ARHGAP26: variants seen among roughly 807,000 people sequenced by gnomAD.
ARHGAP26 encodes the protein rho GTPase-activating protein 26.
In ARHGAP26, 38 loss-of-function variants were observed where a neutral mutation model predicts 104.8. The ratio of observed to expected loss-of-function variants is 0.36; its 90% CI spans 0.28 to 0.48. The LOEUF (loss-of-function observed/expected upper bound fraction) is 0.48. ARHGAP26 is among the 20% of genes least tolerant of loss of function. The probability of loss-of-function intolerance (pLI) is 0.99; values close to 1 mark genes in which losing one functional copy is unlikely to be tolerated. For synonymous variants in ARHGAP26, 341 were observed against 340.0 expected, an observed-to-expected ratio of 1.00 and a Z score of -0.03; for missense variants, 704 against 947.9, an observed-to-expected ratio of 0.74 and a Z score of 3.38.
intron 7 of ARHGAP26, among the ~76,000 whole-genome samples, chr5:142,902,861 A>C (rs1191233105): frequency 2.6e-5 from 4 of 152,188 alleles, no homozygotes; most frequent in Non-Finnish European, 4.4e-5. Flanking sequence ...CAGTGGGCTT[A>C]CTGGAGGTGG....
At chr5:143,160,200 C>G (rs1248775967) in intron 20 of ARHGAP26, among the ~76,000 whole-genome samples, 1 of 151,842 alleles carries the variant, frequency 6.6e-6, no homozygotes, top group African/African-American at 2.4e-5. Flanking sequence ...GCTGGGACTA[C>G]AGGTGCCCGC....
chr5:143,087,072 G>T (rs1447990933), intron 17 of ARHGAP26, among the ~76,000 whole-genome samples: 1 of 152,144 alleles, frequency 6.6e-6, no homozygotes, highest in Non-Finnish European at 1.5e-5. Flanking sequence ...TGTGACTCAT[G>T]TGTGTTATCA....
chr5:143,071,280 A>G (rs577453540), intron 17 of ARHGAP26, among the ~76,000 whole-genome samples: 2 of 152,402 alleles, frequency 1.3e-5, no homozygotes, highest in South Asian at 2.1e-4. Context: ...AAGCAGGCCC[A>G]TAGACCAATG....
chr5:143,096,195 G>A (rs920570848), intron 17 of ARHGAP26, among the ~76,000 whole-genome samples: 6 of 152,114 alleles, frequency 3.9e-5, no homozygotes, highest in Admixed American at 6.5e-5. Context: ...AGTAAACTGC[G>A]TTATGCAGAT....
At chr5:143,039,013 G>T (rs1783068253) in intron 13 of ARHGAP26, among the ~76,000 whole-genome samples, 2 of 152,000 alleles carry the variant, frequency 1.3e-5, no homozygotes, top group Admixed American at 1.3e-4. Context: ...CGTGAAAAAT[G>T]CAAGTTACAA....
intron 14 of ARHGAP26, 138 bp from the exon 15 acceptor site, chr5:143,054,301 T>C (rs1460536158): frequency 1.8e-6 from 1 of 562,854 alleles, no homozygotes; most frequent in Non-Finnish European, 3.1e-6. Flanking sequence ...CCTAATTTAA[T>C]AGGTAAAAAA....
At chr5:142,886,817 A>G (rs1008852453) in intron 5 of ARHGAP26, among the ~76,000 whole-genome samples, 5 of 152,204 alleles carry the variant, frequency 3.3e-5, no homozygotes, top group Non-Finnish European at 7.3e-5. Context: ...AATCCATGAT[A>G]AATTTGGGAT....
chr5:142,812,853 T>C (rs1764370381), intron 1 of ARHGAP26, among the ~76,000 whole-genome samples: 1 of 152,110 alleles, frequency 6.6e-6, no homozygotes, highest in African/African-American at 2.4e-5. Context: ...AACAGGGGTA[T>C]TGATGCTGGG....
intron 5 of ARHGAP26, among the ~76,000 whole-genome samples, chr5:142,892,223 A>C (rs565366156): frequency 5.3e-5 from 8 of 152,048 alleles, no homozygotes; most frequent in African/African-American, 1.7e-4. Context: ...AAAGGTCTAG[A>C]TGAGGATGGC....
intron 1 of ARHGAP26, among the ~76,000 whole-genome samples, chr5:142,800,735 C>T (rs1285043687): frequency 1.3e-5 from 2 of 152,182 alleles, no homozygotes; most frequent in Non-Finnish European, 2.9e-5. Flanking sequence ...TCAGTAGTTT[C>T]CCGGCTTTCC....
intron 11 of ARHGAP26, among the ~76,000 whole-genome samples, chr5:142,993,387 T>C (rs1775934211): frequency 6.6e-6 from 1 of 152,076 alleles, no homozygotes; most frequent in African/African-American, 2.4e-5. Flanking sequence ...GCCAGGATGG[T>C]CTCGATCTCC....
At chr5:143,217,783 G>T (rs1161660308) in intron 22 of ARHGAP26, among the ~76,000 whole-genome samples, 1 of 152,188 alleles carries the variant, frequency 6.6e-6, no homozygotes, top group South Asian at 2.1e-4. Flanking sequence ...TCCACTGGCC[G>T]CCTGACACAT....
intron 20 of ARHGAP26, among the ~76,000 whole-genome samples, chr5:143,161,073 G>A (rs1801179570): frequency 2.7e-5 from 4 of 148,916 alleles, no homozygotes; most frequent in African/African-American, 9.9e-5. Context: ...GTGCAGTGGA[G>A]CGATCTCAAT....
intron 20 of ARHGAP26, among the ~76,000 whole-genome samples, chr5:143,189,604 A>G (rs1805628902): frequency 1.3e-5 from 2 of 152,224 alleles, no homozygotes; most frequent in South Asian, 4.1e-4. Flanking sequence ...AATATTATCA[A>G]AAAGCATGTA....
At chr5:142,985,405 G>T (rs1481626101) in intron 11 of ARHGAP26, among the ~76,000 whole-genome samples, 1 of 152,078 alleles carries the variant, frequency 6.6e-6, no homozygotes, top group African/African-American at 2.4e-5. Context: ...TAATATCTTA[G>T]GCCTTCATGT....
chr5:142,978,447 A>G (rs762414323), intron 11 of ARHGAP26, among the ~76,000 whole-genome samples: 2 of 152,182 alleles, frequency 1.3e-5, no homozygotes, highest in African/African-American at 2.4e-5. Flanking sequence ...TCATTGACAT[A>G]ACCAATCTGA....
At position 142,932,092 on chromosome 5, in the gene ARHGAP26, G is replaced by A. The variant is rs1764815698; in HGVS notation, c.1074G>A (p.Arg358=). ...AAGCTTTGTCGGAAGAGGACCGGAG[G>A]CTCTGGATGGAAGCCATGGATGGCC... ...TMQALSEEDR[R]LWMEAMDGRE... The change falls in exon 11 of 23, where the codon AGG becomes AGA. Residue 358 remains arginine, a synonymous_variant. Transcript: ENST00000645722. 2 of 1,614,006 alleles carry A rather than the reference G, an allele frequency of 1.2e-6. No homozygotes were observed. The highest frequency in any genetic ancestry group is 2.7e-5 in the African/African-American group (2 of 74,922).
chr5:142,808,236 GAAAAAAAAAAAAAA>G (rs58550799), intron 1 of ARHGAP26, among the ~76,000 whole-genome samples: 19 of 32,666 alleles, frequency 5.8e-4, no homozygotes, highest in African/African-American at 1.3e-3. Flanking sequence ...CATTGTCTCG[GAAAAAAAAAAAAAA>G]AAAAAAAAAA....
intron 20 of ARHGAP26, among the ~76,000 whole-genome samples, chr5:143,178,457 G>A (rs111505843): frequency 0.019 from 2,942 of 152,290 alleles, 96 homozygotes; most frequent in African/African-American, 0.067. Context: ...ATGGGAGACT[G>A]CAGTTCCTTC....
Sources: allele counts gnomAD v4.1 joint callset (sites outside exome capture counted in the v4.1 genomes callset), GRCh38; gene constraint gnomAD v4.1.1; transcripts MANE v1.5; gene names NCBI Gene and HGNC (gene_info 2026-07-23, HGNC 2026-07-21).